Variants in CAST observed in about 807,000 individuals in gnomAD.
CAST encodes MIR583 host.
Under a neutral mutation model 119.6 loss-of-function variants are expected in CAST, and 76 were observed. The ratio of observed to expected loss-of-function variants is 0.64; its 90% CI spans 0.53 to 0.77. The LOEUF is 0.77. Ranked by LOEUF, CAST falls within the 30% of genes least tolerant of loss-of-function variation. The pLI, the probability that CAST is intolerant of heterozygous loss-of-function variation, is 0.00. For missense variants in CAST, 953 were observed against 946.5 expected (o/e 1.01, Z -0.09); for synonymous variants, 319 against 331.6 (o/e 0.96, Z 0.41).
chr5:95,984,895 A>C, the CAST span, among the ~76,000 whole-genome samples: 1 of 152,180 alleles, frequency 6.6e-6, no homozygotes, highest in East Asian at 1.9e-4. Context: ...TACGTGTTGA[A>C]TATTTTTATT....
intron 3 of CAST, among the ~76,000 whole-genome samples, chr5:96,712,911 G>A (rs113593113): frequency 5.9e-4 from 90 of 152,244 alleles, no homozygotes; most frequent in African/African-American, 2.1e-3. Flanking sequence ...GTTTGGCTCT[G>A]TCTTAAGATA....
At chr5:96,121,687 T>C in the CAST span, among the ~76,000 whole-genome samples, 2 of 152,120 alleles carry the variant, frequency 1.3e-5, no homozygotes, top group African/African-American at 4.8e-5. Flanking sequence ...TGTTATTAGT[T>C]CTCTTAGAGG....
chr5:96,763,209 T>G, intron 25 of CAST: 1 of 780,774 alleles, frequency 1.3e-6, no homozygotes, highest in Non-Finnish European at 2.4e-6. Context: ...TTCATCCTGT[T>G]GCGTCAGCTT....
intron 3 of CAST, chr5:96,714,597 G>T (rs971578679): frequency 1.3e-5 from 2 of 152,116 alleles, no homozygotes; most frequent in Non-Finnish European, 2.9e-5. Flanking sequence ...CAGAAAGTAG[G>T]CTGCATTTTC....
chr5:96,691,939 A>G (rs1032673517), intron 2 of CAST, among the ~76,000 whole-genome samples: 6 of 152,164 alleles, frequency 3.9e-5, no homozygotes, highest in African/African-American at 7.2e-5. Flanking sequence ...GGCTCTTGGA[A>G]CTTCATTGTT....
At chr5:96,131,444 T>C in the CAST span, among the ~76,000 whole-genome samples, 10 of 147,954 alleles carry the variant, frequency 6.8e-5, no homozygotes, top group East Asian at 1.9e-4. Context: ...CACACACACA[T>C]ACATACTAAA....
the CAST span, among the ~76,000 whole-genome samples, chr5:96,330,439 G>A: frequency 6.6e-6 from 1 of 152,084 alleles, no homozygotes; most frequent in Non-Finnish European, 1.5e-5. Flanking sequence ...ATGTCTCAAG[G>A]GGCTTCATTT....
At chr5:96,209,589 G>A in the CAST span, among the ~76,000 whole-genome samples, 1 of 151,892 alleles carries the variant, frequency 6.6e-6, no homozygotes, top group Non-Finnish European at 1.5e-5. Flanking sequence ...AGTTTGGCTG[G>A]ATATGAAATT....
At chr5:96,452,640 T>TAAAAAAAAAAAAAAAA in the CAST span, among the ~76,000 whole-genome samples, 2 of 90,140 alleles carry the variant, frequency 2.2e-5, no homozygotes, top group Middle Eastern at 6.1e-3. Flanking sequence ...TAAAGTATAA[T>TAAAAAAAAAAAAAAAA]AAAAAAAAAA....
chr5:96,275,319 G>T, the CAST span, among the ~76,000 whole-genome samples: 1 of 152,140 alleles, frequency 6.6e-6, no homozygotes, highest in South Asian at 2.1e-4. Flanking sequence ...GTCACAATTT[G>T]ATCAAGGTTC....
At chr5:96,273,711 A>G in the CAST span, among the ~76,000 whole-genome samples, 2 of 152,176 alleles carry the variant, frequency 1.3e-5, no homozygotes, top group Admixed American at 1.3e-4. Context: ...TATCTAATTC[A>G]GGAACAGTTT....
chr5:96,281,245 C>T, the CAST span, among the ~76,000 whole-genome samples: 1 of 152,162 alleles, frequency 6.6e-6, no homozygotes, highest in Non-Finnish European at 1.5e-5. Flanking sequence ...TCCTAAGCAA[C>T]AAGTAAATAG....
At chr5:96,479,506 G>A in the CAST span, among the ~76,000 whole-genome samples, 1 of 149,794 alleles carries the variant, frequency 6.7e-6, no homozygotes, top group South Asian at 2.1e-4. Context: ...CTGGAGTGCG[G>A]TGGCTCAATC....
the CAST span, among the ~76,000 whole-genome samples, chr5:96,463,598 G>A: frequency 6.6e-6 from 1 of 152,022 alleles, no homozygotes; most frequent in Admixed American, 6.6e-5. Flanking sequence ...TCCATTTACA[G>A]GAAATGGCTG....
the CAST span, among the ~76,000 whole-genome samples, chr5:96,355,174 TC>T: frequency 6.7e-6 from 1 of 149,700 alleles, no homozygotes; most frequent in African/African-American, 2.5e-5. Context: ...ATGCTATCCC[TC>T]CCCTAGCCCC....
the CAST span, among the ~76,000 whole-genome samples, chr5:96,445,992 C>T: frequency 6.6e-6 from 1 of 152,196 alleles, no homozygotes. Flanking sequence ...GGATCATAGG[C>T]ATGTGCCACC....
upstream of CAST, among the ~76,000 whole-genome samples, chr5:96,525,902 T>C (rs1324043365): frequency 1.3e-5 from 2 of 152,220 alleles, no homozygotes; most frequent in African/African-American, 2.4e-5. Flanking sequence ...GCTGTTTTTA[T>C]TGTCTAGTGA....
At chr5:96,200,181 C>T in the CAST span, among the ~76,000 whole-genome samples, 1 of 152,106 alleles carries the variant, frequency 6.6e-6, no homozygotes, top group African/African-American at 2.4e-5. Context: ...CCAAATCACC[C>T]ATGTGCTTCA....
chr5:96,527,848 G>C (rs1230252456), upstream of CAST, among the ~76,000 whole-genome samples: 1 of 151,796 alleles, frequency 6.6e-6, no homozygotes, highest in African/African-American at 2.4e-5. Flanking sequence ...CCCATGACTA[G>C]AACCAGAGGC....
Sources: allele counts gnomAD v4.1 joint callset (sites outside exome capture counted in the v4.1 genomes callset), GRCh38; gene constraint gnomAD v4.1.1; transcripts MANE v1.5; gene names NCBI Gene and HGNC (gene_info 2026-07-23, HGNC 2026-07-21).